Variants in BMPR1B observed in about 807,000 individuals in gnomAD.
The protein encoded by BMPR1B is bone morphogenetic protein receptor type-1B.
BMPR1B carries 12 observed loss-of-function variants against 59.1 expected under a neutral mutation model. The observed-to-expected ratio is 0.20, with a 90% CI of 0.13 to 0.33. The LOEUF (loss-of-function observed/expected upper bound fraction) is 0.33. Among genes scored for constraint, BMPR1B ranks in the 10% least tolerant of loss-of-function variants. The pLI is 1.00. For synonymous variants in BMPR1B, 237 were observed against 207.3 expected (o/e 1.14, Z -1.23); for missense variants, 550 against 610.9 (o/e 0.90, Z 1.05).
intron 2 of BMPR1B, among the ~76,000 whole-genome samples, chr4:94,939,902 A>C (rs1482460209): frequency 6.6e-6 from 1 of 152,020 alleles, no homozygotes; most frequent in Non-Finnish European, 1.5e-5. Flanking sequence ...TATTTGGTGA[A>C]CTCCACCAGT....
At chr4:95,114,224 A>G (rs1180420593) in intron 4 of BMPR1B, among the ~76,000 whole-genome samples, 1 of 152,186 alleles carries the variant, frequency 6.6e-6, no homozygotes, top group African/African-American at 2.4e-5. Flanking sequence ...CAAGAACAGT[A>G]TAAACAGTCA....
intron 1 of BMPR1B, among the ~76,000 whole-genome samples, chr4:94,872,392 C>A (rs1390585166): frequency 6.6e-6 from 1 of 151,984 alleles, no homozygotes; most frequent in Non-Finnish European, 1.5e-5. Flanking sequence ...GTATAAAAGC[C>A]CCTATCAATA....
intron 1 of BMPR1B, among the ~76,000 whole-genome samples, chr4:94,853,211 C>T (rs2903003): frequency 0.61 from 91,998 of 151,470 alleles, 28,765 homozygotes; most frequent in African/African-American, 0.76. Context: ...TTTTTCATAA[C>T]GTGGAGTTCA....
At chr4:94,985,040 C>A (rs1721312865) in intron 2 of BMPR1B, among the ~76,000 whole-genome samples, 1 of 152,090 alleles carries the variant, frequency 6.6e-6, no homozygotes, top group Non-Finnish European at 1.5e-5. Context: ...CGTGGCACTT[C>A]CTGTGAACAG....
intron 4 of BMPR1B, among the ~76,000 whole-genome samples, chr4:95,111,942 G>A (rs1261671950): frequency 6.6e-6 from 1 of 151,956 alleles, no homozygotes; most frequent in Non-Finnish European, 1.5e-5. Flanking sequence ...TTGACTTCAT[G>A]CAGTCTTTAA....
chr4:94,936,277 A>G (rs1425883518), intron 2 of BMPR1B, among the ~76,000 whole-genome samples: 2 of 152,254 alleles, frequency 1.3e-5, no homozygotes, highest in East Asian at 3.8e-4. Context: ...GCAGTTTGCC[A>G]TATGTCTAAC....
intron 3 of BMPR1B, among the ~76,000 whole-genome samples, chr4:95,066,111 G>T (rs188251190): frequency 1.3e-5 from 2 of 152,224 alleles, no homozygotes; most frequent in Admixed American, 1.3e-4. Flanking sequence ...CCTTTATCAT[G>T]GTCTCTCCCC....
chr4:94,789,895 A>G (rs1006575972), intron 1 of BMPR1B, among the ~76,000 whole-genome samples: 1 of 152,204 alleles, frequency 6.6e-6, no homozygotes, highest in Non-Finnish European at 1.5e-5. Flanking sequence ...CCCCTGAGAC[A>G]GCAAATAGAG....
Position 95,098,865 on chromosome 4 carries a change from C to T in BMPR1B, c.-17-5543C>T, listed in dbSNP as rs558908143. On this transcript the variant is annotated intron_variant, in intron 3 of 12. Transcript: ENST00000515059. ...CCGAGTAGCTGGGACTACAGGTGCC[C>T]GCTACCATGCCCGACTAATTTTTTG... 3.4e-4 allele frequency among the ~76,000 whole-genome samples: 52 copies of T among 152,106 alleles called. No homozygotes were observed. The South Asian group carries it at 9.2e-3, about 27-fold the overall frequency.
At chr4:95,047,886 G>C (rs751461535) in intron 3 of BMPR1B, among the ~76,000 whole-genome samples, 1 of 152,134 alleles carries the variant, frequency 6.6e-6, no homozygotes, top group African/African-American at 2.4e-5. Flanking sequence ...GGGTACAATT[G>C]ATCCAGTCAC....
At chr4:94,951,088 G>T (rs1298138273) in intron 2 of BMPR1B, among the ~76,000 whole-genome samples, 1 of 152,142 alleles carries the variant, frequency 6.6e-6, no homozygotes, top group South Asian at 2.1e-4. Context: ...TATTATTGGT[G>T]TATAGGAATG....
chr4:94,817,664 A>T (rs372834131), intron 1 of BMPR1B, among the ~76,000 whole-genome samples: 4 of 152,220 alleles, frequency 2.6e-5, no homozygotes, highest in African/African-American at 9.6e-5. Flanking sequence ...GTTGCTAAGT[A>T]TATTTAAAAC....
At chr4:95,043,381 T>G (rs1458671167) in intron 3 of BMPR1B, among the ~76,000 whole-genome samples, 1 of 152,084 alleles carries the variant, frequency 6.6e-6, no homozygotes, top group Non-Finnish European at 1.5e-5. Flanking sequence ...TTGTTTTAAT[T>G]AGCAAATTTA....
At chr4:95,091,786 CA>C (rs1451216190) in intron 3 of BMPR1B, among the ~76,000 whole-genome samples, 2 of 151,758 alleles carry the variant, frequency 1.3e-5, no homozygotes, top group African/African-American at 4.8e-5. Context: ...TCAAGGGGAT[CA>C]AAAATTTTGT....
intron 3 of BMPR1B, among the ~76,000 whole-genome samples, chr4:95,012,801 T>C (rs1222281014): frequency 6.6e-6 from 1 of 152,056 alleles, no homozygotes; most frequent in Non-Finnish European, 1.5e-5. Context: ...ACAAGCAGAA[T>C]TACAAGTATT....
chr4:94,989,640 T>TTCCCAAAGCTGCTTAGTTCAATAGA (rs1330802552), intron 2 of BMPR1B, among the ~76,000 whole-genome samples: 1 of 152,182 alleles, frequency 6.6e-6, no homozygotes, highest in East Asian at 1.9e-4. Context: ...TGCTTCTCCT[T>TTCCCAAAGCTGCTTAGTTCAATAGA]ACTAAAAGTT....
At chr4:95,129,837 AAC>A (rs1374663388) in intron 8 of BMPR1B, 23 bp from the exon 9 acceptor site, 5 of 1,608,418 alleles carry the variant, frequency 3.1e-6, no homozygotes, top group Non-Finnish European at 4.3e-6. Flanking sequence ...TGAATACACT[AAC>A]AGTGTGTTTT....
chr4:95,121,661 TA>T (rs1394298521), intron 6 of BMPR1B, among the ~76,000 whole-genome samples: 1 of 152,202 alleles, frequency 6.6e-6, no homozygotes, highest in Non-Finnish European at 1.5e-5. Flanking sequence ...GATGAAATGT[TA>T]ACAATGAGAA....
At chr4:94,934,528 G>T (rs537376923) in intron 2 of BMPR1B, among the ~76,000 whole-genome samples, 1 of 141,910 alleles carries the variant, frequency 7.0e-6, no homozygotes, top group Non-Finnish European at 1.5e-5. Context: ...TTAAGCGTTA[G>T]AAACTTGTTG....
Sources: gnomAD v4.1 joint callset for allele counts (sites outside exome capture counted in the v4.1 genomes callset) on GRCh38, gnomAD v4.1.1 for gene constraint, MANE v1.5 for transcripts, NCBI Gene and HGNC (gene_info 2026-07-23, HGNC 2026-07-21) for gene names.